The following ABCA13 variants were observed in gnomAD, a reference collection of about 807,000 sequenced individuals.
ABCA13 encodes ATP binding cassette subfamily A member 13.
A neutral mutation model predicts 478.7 loss-of-function variants in ABCA13; 476 were observed. That is an observed-to-expected ratio of 0.99 (90% confidence interval 0.92 to 1.07). ABCA13 has a LOEUF of 1.07. ABCA13 is among the 50% of genes least tolerant of loss of function. ABCA13 has a pLI of 0.00. For missense variants in ABCA13, 6,060 were observed against 5,910.6 expected, an observed-to-expected ratio of 1.03 and a Z score of -0.83; for synonymous variants, 2,252 against 2,158.9, an observed-to-expected ratio of 1.04 and a Z score of -1.20.
At chr7:48,248,475 ACAATTGGGACATCAGAATGATTT>A in intron 14 of ABCA13, 31 bp downstream of exon 14, 1 of 1,490,266 alleles carries the variant, frequency 6.7e-7, no homozygotes, top group South Asian at 1.4e-5. Context: ...AAACTTATAA[ACAATTGGGACATCAGAATGATTT>A]CAACTGCCCC....
At chr7:48,566,915 G>A (rs1438429853) in intron 55 of ABCA13, among the ~76,000 whole-genome samples, 1 of 152,126 alleles carries the variant, frequency 6.6e-6, no homozygotes, top group Non-Finnish European at 1.5e-5. Flanking sequence ...AGCACACTCT[G>A]GATCTTCTCC....
intron 55 of ABCA13, among the ~76,000 whole-genome samples, chr7:48,542,144 T>C (rs1337417493): frequency 1.3e-5 from 2 of 151,686 alleles, no homozygotes; most frequent in Non-Finnish European, 3.0e-5. Flanking sequence ...AAGCAAAGTC[T>C]GTTGGGAAAA....
intron 23 of ABCA13, among the ~76,000 whole-genome samples, chr7:48,302,344 A>G (rs1220250756): frequency 6.6e-6 from 1 of 152,164 alleles, no homozygotes. Context: ...TTATTTTTAA[A>G]AATTAAACTT....
In ABCA13 at chr7:48,272,930, C is replaced by T. The variant is rs1175154969; in HGVS notation, c.3264C>T (p.Asn1088=). Residue 1088 remains asparagine, a synonymous_variant, in exon 17 of 62, where the codon AAC becomes AAT. Coordinates refer to ENST00000435803, the MANE Select transcript of ABCA13 (RefSeq NM_152701.5). ...TTCAATATATGAGCCAATTCTTCAA[C>T]AGTTCAGTAGAAGACCTATTGGATA... ...SLFQYMSQFF[N]SSVEDLLDNK... The T allele has an allele frequency of 4.3e-6, 7 of 1,612,998 alleles. No homozygotes were observed. In the Middle Eastern group the frequency reaches 9.9e-4, roughly 228 times the overall value.
intron 42 of ABCA13, among the ~76,000 whole-genome samples, chr7:48,451,522 ATTAGT>A (rs904725991): frequency 3.3e-5 from 5 of 152,156 alleles, no homozygotes; most frequent in African/African-American, 1.2e-4. Flanking sequence ...TACTATATTG[ATTAGT>A]TTAAAAACTA....
chr7:48,338,462 G>A lies in ABCA13; in HGVS notation c.10204+7G>A. 2 of 1,578,334 alleles carry A rather than the reference G, an allele frequency of 1.3e-6. No individual in the cohort carries two copies. The highest frequency in any genetic ancestry group is 1.7e-6 in the Non-Finnish European group (2 of 1,160,722). ...GAAAAACTCCAGACATACGGTAAGT[G>A]TGCTGATGGGCATGGTAGTGTTCTT... On this transcript the variant is annotated splice_region_variant and intron_variant, in intron 29 of 61. Transcript: ENST00000435803.
intron 47 of ABCA13, among the ~76,000 whole-genome samples, chr7:48,483,894 T>G (rs983443436): frequency 6.6e-6 from 1 of 152,180 alleles, no homozygotes; most frequent in East Asian, 1.9e-4. Context: ...GGGTAGATTG[T>G]GGGAGGAAGT....
intron 1 of ABCA13, among the ~76,000 whole-genome samples, chr7:48,189,170 C>T (rs1796756512): frequency 6.6e-6 from 1 of 152,112 alleles, no homozygotes; most frequent in Non-Finnish European, 1.5e-5. Context: ...AATGGAAGGT[C>T]TGAGATGTGC....
intron 48 of ABCA13, among the ~76,000 whole-genome samples, chr7:48,495,454 A>G (rs1830192710): frequency 6.6e-6 from 1 of 152,150 alleles, no homozygotes; most frequent in South Asian, 2.1e-4. Flanking sequence ...TTTTATGGTC[A>G]GGATATTGTT....
At chr7:48,525,490 G>A (rs750613069) in intron 54 of ABCA13, among the ~76,000 whole-genome samples, 5 of 152,038 alleles carry the variant, frequency 3.3e-5, no homozygotes, top group Non-Finnish European at 5.9e-5. Flanking sequence ...ATAGTTTTAC[G>A]TGATACGAGA....
At chr7:48,242,984 C>T (rs1359425489) in intron 10 of ABCA13, 3 of 152,230 alleles carry the variant, frequency 2.0e-5, no homozygotes, top group Non-Finnish European at 2.9e-5. Flanking sequence ...CTTTTCTCCT[C>T]CAGGTTCTTT....
At position 48,274,324 on chromosome 7, in the gene ABCA13, A is replaced by C. The variant is rs749663098; in HGVS notation, c.4658A>C (p.Glu1553Ala). 1 of 1,613,548 alleles carries C rather than the reference A, an allele frequency of 6.2e-7. No homozygotes were observed. The highest frequency in any genetic ancestry group is 1.3e-5 in the African/African-American group (1 of 75,042). ...CTTCATTTAATAACACTGGGGAAGG[A>C]ATTTCAGAAGCTTGTAAAAGGTATT... Reference protein sequence around the residue: ...IWLHLITLGKEFQKLVKGIYF... With the variant: ...IWLHLITLGKAFQKLVKGIYF... Residue 1553 changes from glutamate to alanine, a missense_variant, in exon 17 of 62, where the codon GAA (glutamate) becomes GCA (alanine). By Grantham distance (107) the Glu-to-Ala change is moderately radical. Coordinates refer to ENST00000435803, the MANE Select transcript of ABCA13 (RefSeq NM_152701.5).
chr7:48,482,303 C>G (rs1484138599), intron 46 of ABCA13, among the ~76,000 whole-genome samples: 2 of 151,916 alleles, frequency 1.3e-5, no homozygotes, highest in Non-Finnish European at 2.9e-5. Context: ...CTAAACCAGA[C>G]AAGATTTGAG....
At chr7:48,231,003 C>T (rs1208265920) in intron 7 of ABCA13, among the ~76,000 whole-genome samples, 2 of 152,062 alleles carry the variant, frequency 1.3e-5, no homozygotes, top group African/African-American at 4.8e-5. Flanking sequence ...CAGGTCCAGT[C>T]GTCGGGTCGG....
intron 54 of ABCA13, 110 bp downstream of exon 54, chr7:48,524,550 C>A: frequency 9.8e-7 from 1 of 1,025,340 alleles, no homozygotes; most frequent in South Asian, 2.0e-5. Context: ...CAAAAATAGC[C>A]TTCAAATTTT....
At chr7:48,455,692 G>T (rs1825590533) in intron 43 of ABCA13, among the ~76,000 whole-genome samples, 1 of 152,232 alleles carries the variant, frequency 6.6e-6, no homozygotes, top group African/African-American at 2.4e-5. Flanking sequence ...GCCCTCCACA[G>T]TTGTTTCTGG....
Position 48,628,771 on chromosome 7 carries a change from C to T in ABCA13, c.14837+13394C>T, listed in dbSNP as rs376940482. Among the ~76,000 whole-genome samples the T allele has an allele frequency of 8.5e-5, 13 of 152,290 alleles. No homozygotes were observed. In the East Asian group the frequency reaches 1.2e-3, roughly 14 times the overall value. ...GTGCCAGGTACATAAATGTGCTCAACGTATTTGTTGAACAAATGAATGAAT... is the reference window on the plus strand; with the variant it reads ...GTGCCAGGTACATAAATGTGCTCAATGTATTTGTTGAACAAATGAATGAAT... On this transcript the variant is annotated intron_variant, in intron 59 of 61. Coordinates refer to ENST00000435803, the MANE Select transcript of ABCA13 (RefSeq NM_152701.5).
chr7:48,497,603 G>A (rs1830386398), intron 48 of ABCA13, among the ~76,000 whole-genome samples: 1 of 152,150 alleles, frequency 6.6e-6, no homozygotes, highest in South Asian at 2.1e-4. Context: ...TTGATTCCCT[G>A]TGGGCCTGAT....
chr7:48,618,090 C>T (rs1038973661), intron 59 of ABCA13, among the ~76,000 whole-genome samples: 2 of 152,164 alleles, frequency 1.3e-5, no homozygotes, highest in African/African-American at 4.8e-5. Flanking sequence ...ACCTGGGCTC[C>T]CTGAGTTCAT....
Sources: allele counts gnomAD v4.1 joint callset (sites outside exome capture counted in the v4.1 genomes callset), GRCh38; gene constraint gnomAD v4.1.1; transcripts MANE v1.5; gene names NCBI Gene and HGNC (gene_info 2026-07-23, HGNC 2026-07-21).